ENTREP2: variants seen among roughly 807,000 people sequenced by gnomAD.
The protein encoded by ENTREP2 is endosomal transmembrane epsin interactor 2, also known as protein ENTREP2.
the ENTREP2 span, among the ~76,000 whole-genome samples, chr15:29,294,768 A>C: frequency 2.2e-4 from 33 of 152,210 alleles, no homozygotes; most frequent in Non-Finnish European, 4.3e-4. Context: ...TTCCACAAGG[A>C]GATTGAATGT....
chr15:29,380,848 CTTTTTTTTT>C, the ENTREP2 span, among the ~76,000 whole-genome samples: 1 of 127,510 alleles, frequency 7.8e-6, no homozygotes, highest in Non-Finnish European at 1.6e-5. Context: ...TGCATCCACA[CTTTTTTTTT>C]TTTTTTTTTG....
the ENTREP2 span, among the ~76,000 whole-genome samples, chr15:29,515,245 G>C: frequency 6.6e-6 from 1 of 152,310 alleles, no homozygotes; most frequent in Non-Finnish European, 1.5e-5. Flanking sequence ...CTGACCCGAG[G>C]ACTGCTTTCT....
the ENTREP2 span, among the ~76,000 whole-genome samples, chr15:29,246,752 A>C: frequency 1.1e-4 from 17 of 152,178 alleles, no homozygotes; most frequent in Middle Eastern, 3.4e-3. Context: ...GACTAGAAAC[A>C]TCTTTTAACT....
At chr15:29,426,859 G>A in the ENTREP2 span, among the ~76,000 whole-genome samples, 5 of 152,254 alleles carry the variant, frequency 3.3e-5, no homozygotes, top group African/African-American at 1.2e-4. Context: ...CACACTGGGC[G>A]CCGAGTGGTC....
At chr15:29,124,836 G>A in the ENTREP2 span, 2 of 1,275,896 alleles carry the variant, frequency 1.6e-6, no homozygotes, top group Non-Finnish European at 2.2e-6. Context: ...TAACCCGCCT[G>A]TGACTAAGAC....
chr15:29,381,014 G>A, the ENTREP2 span, among the ~76,000 whole-genome samples: 66 of 151,514 alleles, frequency 4.4e-4, 1 homozygote, highest in African/African-American at 1.5e-3. Flanking sequence ...AACATTCCCC[G>A]GCTAATTTTT....
At chr15:29,571,065 T>C in the ENTREP2 span, among the ~76,000 whole-genome samples, 4 of 146,854 alleles carry the variant, frequency 2.7e-5, no homozygotes, top group African/African-American at 1.0e-4. Context: ...GCCGCTGCCG[T>C]CCCCGGGCGC....
the ENTREP2 span, among the ~76,000 whole-genome samples, chr15:29,183,205 A>C: frequency 3.3e-5 from 5 of 152,230 alleles, no homozygotes; most frequent in Admixed American, 6.5e-5. Flanking sequence ...TTTTATGACA[A>C]AGGGAAATCG....
chr15:29,674,651 T>G, the ENTREP2 span, among the ~76,000 whole-genome samples: 2 of 149,090 alleles, frequency 1.3e-5, no homozygotes, highest in Non-Finnish European at 3.0e-5. Context: ...TATCGAGGGA[T>G]GGAAGGGAGA....
At chr15:29,443,538 G>A in the ENTREP2 span, among the ~76,000 whole-genome samples, 3 of 152,098 alleles carry the variant, frequency 2.0e-5, no homozygotes, top group African/African-American at 7.2e-5. Context: ...GGTGTTTCTC[G>A]CCCACTGGGG....
chr15:29,322,955 G>A, the ENTREP2 span, among the ~76,000 whole-genome samples: 1,432 of 152,216 alleles, frequency 9.4e-3, 24 homozygotes, highest in African/African-American at 0.033. Context: ...TTCGGTTTAC[G>A]GTAATAATAG....
At chr15:29,495,604 T>C in the ENTREP2 span, among the ~76,000 whole-genome samples, 2 of 151,982 alleles carry the variant, frequency 1.3e-5, no homozygotes, top group East Asian at 3.8e-4. Flanking sequence ...TTTCCTTTCA[T>C]ATTTTTTCTT....
the ENTREP2 span, among the ~76,000 whole-genome samples, chr15:29,379,691 G>A: frequency 1.2e-4 from 18 of 152,198 alleles, no homozygotes; most frequent in African/African-American, 4.1e-4. Flanking sequence ...CACCATAAGG[G>A]GTCCTAACTC....
chr15:29,312,824 C>T, the ENTREP2 span, among the ~76,000 whole-genome samples: 19 of 152,096 alleles, frequency 1.2e-4, no homozygotes, highest in Non-Finnish European at 2.4e-4. Context: ...AAGGGTCACA[C>T]GTTTCTCATT....
chr15:29,334,217 C>T, the ENTREP2 span, among the ~76,000 whole-genome samples: 1 of 152,186 alleles, frequency 6.6e-6, no homozygotes, highest in Non-Finnish European at 1.5e-5. Flanking sequence ...TTCCCCGGGA[C>T]ATGATAACCC....
chr15:29,300,654 A>G, the ENTREP2 span, among the ~76,000 whole-genome samples: 1 of 152,112 alleles, frequency 6.6e-6, no homozygotes, highest in Admixed American at 6.5e-5. Flanking sequence ...GCCGGAGTGC[A>G]GTGGTGCGAT....
chr15:29,124,718 T>C, the ENTREP2 span: 1 of 1,550,636 alleles, frequency 6.4e-7, no homozygotes, highest in Non-Finnish European at 8.7e-7. Context: ...ACAGTCCCGC[T>C]TCCAGGTCCT....
chr15:29,153,145 C>CT, the ENTREP2 span, among the ~76,000 whole-genome samples: 19,242 of 147,556 alleles, frequency 0.13, 2,108 homozygotes, highest in African/African-American at 0.29. Context: ...GTAATGTTTA[C>CT]TTTTTTTTTT....
the ENTREP2 span, among the ~76,000 whole-genome samples, chr15:29,344,160 C>T: frequency 1.2e-4 from 18 of 152,342 alleles, no homozygotes; most frequent in South Asian, 8.3e-4. Context: ...GGCCAGGCCA[C>T]GACCTGGGCT....
Sources: gnomAD v4.1 joint callset for allele counts (sites outside exome capture counted in the v4.1 genomes callset) on GRCh38, gnomAD v4.1.1 for gene constraint, MANE v1.5 for transcripts, NCBI Gene and HGNC (gene_info 2026-07-23, HGNC 2026-07-21) for gene names.